CNTLN: variants seen among roughly 807,000 people sequenced by gnomAD.
The protein encoded by CNTLN is centlein, also known as centlein, centrosomal protein.
Under a neutral mutation model 180.0 loss-of-function variants are expected in CNTLN, and 212 were observed. That is an observed-to-expected ratio of 1.18 (90% CI 1.05 to 1.32). The LOEUF is 1.32. Among genes scored for constraint, CNTLN ranks in the 40% most tolerant of loss-of-function variants. CNTLN has a pLI of 0.00. For synonymous variants in CNTLN, 722 were observed against 563.1 expected (o/e 1.28, Z -3.99); for missense variants, 2,095 against 1,610.9 (o/e 1.30, Z -5.14).
chr9:17,409,617 T>TGTATA, intron 16 of CNTLN, 144 bp downstream of exon 16: 1 of 574,714 alleles, frequency 1.7e-6, no homozygotes, highest in Non-Finnish European at 2.9e-6. Flanking sequence ...AAATATTCAC[T>TGTATA]TTTAAATAAT....
chr9:17,512,225 TAG>T, the CNTLN span, among the ~76,000 whole-genome samples: 1 of 152,190 alleles, frequency 6.6e-6, no homozygotes, highest in African/African-American at 2.4e-5. Flanking sequence ...TGTAAAGCAT[TAG>T]AGATTCAAAG....
intron 19 of CNTLN, among the ~76,000 whole-genome samples, chr9:17,459,540 A>G (rs1831332537): frequency 6.6e-6 from 1 of 151,854 alleles, no homozygotes; most frequent in South Asian, 2.1e-4. Flanking sequence ...AATATTGTCT[A>G]CTACTAAAAA....
Position 17,451,970 on chromosome 9 carries a change from C to G in CNTLN, c.3115-5554C>G, listed in dbSNP as rs16935659. ...TTCATTTTAGAAGTAAAGAGCTATA[C>G]CCGATCCCATTCATTTCCCTTGGAG... is the stretch of plus-strand genomic sequence containing the variant. On this transcript the variant is annotated intron_variant, in intron 18 of 25. Coordinates refer to ENST00000380647, the MANE Select transcript of CNTLN (RefSeq NM_017738.4). Among the ~76,000 whole-genome samples, 3,816 of 152,272 alleles carry G rather than the reference C, an allele frequency of 0.025. 202 individuals are homozygous for G. In the East Asian group the frequency reaches 0.25, roughly 10 times the overall value.
At chr9:17,359,725 C>CAAAAAAAAAAAAAAAAAAACCA (rs1823164375) in intron 12 of CNTLN, among the ~76,000 whole-genome samples, 1 of 21,338 alleles carries the variant, frequency 4.7e-5, no homozygotes, top group East Asian at 3.2e-3. Context: ...ACTAAAAATA[C>CAAAAAAAAAAAAAAAAAAACCA]AAAAAAAAAA....
intron 23 of CNTLN, among the ~76,000 whole-genome samples, chr9:17,470,715 T>C (rs1022022654): frequency 6.6e-6 from 1 of 151,986 alleles, no homozygotes; most frequent in African/African-American, 2.4e-5. Context: ...TACAGGCTTG[T>C]TAATGTGCCT....
In CNTLN at chr9:17,464,621, A is replaced by G. The variant is rs757513680; in HGVS notation, c.3529A>G (p.Lys1177Glu). 2.7e-6 allele frequency: 4 copies of G among 1,460,436 alleles called. No homozygotes were observed. Among genetic ancestry groups the G allele is most frequent in the Admixed American group, 5.3e-5 (2 of 38,066 alleles). 90.5% of individuals were successfully genotyped at this position (1,460,436 alleles called of 1,614,324 possible). ...FSEMLQNLDKKVKTLTEECSN... is the reference protein window; with the variant it reads ...FSEMLQNLDKEVKTLTEECSN... ...TGAAATGTTACAAAATCTTGATAAA[A>G]AGGTATCAATTTTTATCTTTACTGA... Residue 1177 changes from lysine to glutamate, a missense_variant and splice_region_variant, in exon 21 of 26, where the codon AAG becomes GAG. By Grantham distance (56) the Lys-to-Glu change is moderately conservative (BLOSUM62 1). Transcript: ENST00000380647.
chr9:17,491,280 G>A (rs868051000), intron 25 of CNTLN, among the ~76,000 whole-genome samples: 1 of 152,004 alleles, frequency 6.6e-6, no homozygotes, highest in Non-Finnish European at 1.5e-5. Context: ...TTCAGGTTTG[G>A]AGAATATGGC....
intron 18 of CNTLN, among the ~76,000 whole-genome samples, chr9:17,439,274 C>T (rs1300478958): frequency 6.6e-6 from 1 of 152,036 alleles, no homozygotes; most frequent in Non-Finnish European, 1.5e-5. Flanking sequence ...AATAAAAAGT[C>T]TTTCTCTAAG....
Position 17,143,376 on chromosome 9 carries a change from G to T in CNTLN, c.449G>T (p.Arg150Ile). 6.2e-7 allele frequency: 1 copy of T among 1,611,232 alleles called. No homozygotes were observed. Among genetic ancestry groups the T allele is most frequent in the Non-Finnish European group, 8.5e-7 (1 of 1,177,996 alleles). The change falls in exon 2 of 26, where the codon AGA (arginine) becomes ATA (isoleucine). Residue 150 changes from arginine (R) to isoleucine (I), a missense_variant and splice_region_variant. Physicochemically the swap from Arg to Ile is moderately conservative, Grantham distance 97. Transcript: ENST00000380647. ...CAAGTGGTCAGTTTGGTTGTGGAAA[G>T]GTGAGCTCTCAAATTATTTTTTCAT... ...LTQVVSLVVE[R>I]EKQKSEAKDR... is the part of the protein sequence containing the mutation.
At chr9:17,471,949 CT>C (rs1272224312) in intron 23 of CNTLN, among the ~76,000 whole-genome samples, 1 of 151,988 alleles carries the variant, frequency 6.6e-6, no homozygotes, top group Non-Finnish European at 1.5e-5. Flanking sequence ...GAAAAGTTAG[CT>C]TTGATATATG....
At chr9:17,500,396 A>G (rs1046646721) in intron 25 of CNTLN, among the ~76,000 whole-genome samples, 1 of 152,184 alleles carries the variant, frequency 6.6e-6, no homozygotes. Flanking sequence ...TTTAGATTTA[A>G]ATTTGAAAAT....
In CNTLN at chr9:17,402,500, A is replaced by T. The variant is rs533460311; in HGVS notation, c.2616-6793A>T. On this transcript the variant is annotated intron_variant, in intron 15 of 25. Coordinates refer to ENST00000380647, the MANE Select transcript of CNTLN (RefSeq NM_017738.4). ...TGAAAAGAAACTGAATTATAGGGACAGTAGCCCCCTCTGTTGGTTATGTAT... is the reference window on the plus strand; with the variant it reads ...TGAAAAGAAACTGAATTATAGGGACTGTAGCCCCCTCTGTTGGTTATGTAT... Among the ~76,000 whole-genome samples the T allele has an allele frequency of 2.5e-4, 38 of 152,044 alleles. 1 individual carries two copies. The highest frequency in any genetic ancestry group is 7.7e-4 in the African/African-American group (32 of 41,336).
At chr9:17,521,983 T>C in the CNTLN span, among the ~76,000 whole-genome samples, 1 of 151,996 alleles carries the variant, frequency 6.6e-6, no homozygotes, top group African/African-American at 2.4e-5. Flanking sequence ...TTTTCTATCA[T>C]ATTGGGTTGT....
intron 2 of CNTLN, among the ~76,000 whole-genome samples, chr9:17,151,774 T>G (rs1818899562): frequency 6.6e-6 from 1 of 152,214 alleles, no homozygotes; most frequent in Non-Finnish European, 1.5e-5. Flanking sequence ...AATTCGGCTG[T>G]GAATCCATCT....
At chr9:17,241,662 AT>A (rs1454609809) in intron 5 of CNTLN, among the ~76,000 whole-genome samples, 1 of 151,960 alleles carries the variant, frequency 6.6e-6, no homozygotes, top group Non-Finnish European at 1.5e-5. Context: ...TCTTAACAAT[AT>A]TGATTCTTCC....
chr9:17,497,413 C>G (rs1367766863), intron 25 of CNTLN, among the ~76,000 whole-genome samples: 1 of 152,146 alleles, frequency 6.6e-6, no homozygotes, highest in Non-Finnish European at 1.5e-5. Context: ...TCTTACATAA[C>G]TTACCATAGC....
At chr9:17,443,079 A>G (rs1253295342) in intron 18 of CNTLN, among the ~76,000 whole-genome samples, 1 of 151,746 alleles carries the variant, frequency 6.6e-6, no homozygotes, top group Admixed American at 6.5e-5. Flanking sequence ...TAAAGAAGTT[A>G]GATGCATTCT....
intron 5 of CNTLN, among the ~76,000 whole-genome samples, chr9:17,239,913 A>G (rs1312898229): frequency 6.6e-6 from 1 of 151,666 alleles, no homozygotes; most frequent in Non-Finnish European, 1.5e-5. Context: ...TGTCCTCCAT[A>G]TTTTTTCTTT....
At chr9:17,210,691 T>A (rs1823238600) in intron 2 of CNTLN, among the ~76,000 whole-genome samples, 1 of 152,238 alleles carries the variant, frequency 6.6e-6, no homozygotes, top group African/African-American at 2.4e-5. Flanking sequence ...GTAAAAATGT[T>A]CCTGTTTCTC....
Sources: gnomAD v4.1 joint callset for allele counts (sites outside exome capture counted in the v4.1 genomes callset) on GRCh38, gnomAD v4.1.1 for gene constraint, MANE v1.5 for transcripts, NCBI Gene and HGNC (gene_info 2026-07-23, HGNC 2026-07-21) for gene names.